The following ARSB variants were observed in gnomAD, a reference collection of about 807,000 sequenced individuals.
ARSB encodes arylsulfatase B, also known as N-acetylgalactosamine-4-sulfatase.
A neutral mutation model predicts 50.9 loss-of-function variants in ARSB; 41 were observed. The ratio of observed to expected loss-of-function variants is 0.81; its 90% CI spans 0.63 to 1.04. ARSB has a LOEUF of 1.04. Ranked by LOEUF, ARSB falls within the 50% of genes least tolerant of loss-of-function variation. The probability of loss-of-function intolerance (pLI) is 0.00; values close to 1 mark genes in which losing one functional copy is unlikely to be tolerated. For missense variants in ARSB, 672 were observed against 693.3 expected, an observed-to-expected ratio of 0.97 and a Z score of 0.35; for synonymous variants, 269 against 284.8, an observed-to-expected ratio of 0.94 and a Z score of 0.56.
chr5:78,819,938 A>G (rs922162220), intron 6 of ARSB, among the ~76,000 whole-genome samples: 5 of 152,266 alleles, frequency 3.3e-5, no homozygotes, highest in Admixed American at 1.3e-4. Context: ...TCCAAAATCC[A>G]TATGTTGGAA....
intron 4 of ARSB, among the ~76,000 whole-genome samples, chr5:78,919,344 A>T (rs1387443195): frequency 1.3e-5 from 2 of 152,216 alleles, no homozygotes; most frequent in Non-Finnish European, 2.9e-5. Flanking sequence ...GCCAGTAGCT[A>T]GCCTGGGATT....
chr5:78,876,198 T>C (rs535577088), intron 5 of ARSB, among the ~76,000 whole-genome samples: 1 of 152,074 alleles, frequency 6.6e-6, no homozygotes, highest in South Asian at 2.1e-4. Flanking sequence ...GATTACAAAG[T>C]AGAATGAAGA....
chr5:78,845,009 A>C (rs979069992), intron 5 of ARSB, among the ~76,000 whole-genome samples: 4 of 152,032 alleles, frequency 2.6e-5, no homozygotes, highest in Non-Finnish European at 5.9e-5. Flanking sequence ...TTTTATATCC[A>C]TTAACTAACC....
chr5:78,974,096 G>A (rs1752568764), intron 1 of ARSB, among the ~76,000 whole-genome samples: 1 of 152,210 alleles, frequency 6.6e-6, no homozygotes. Context: ...TAACACTTGT[G>A]CCACCTTAGG....
intron 5 of ARSB, among the ~76,000 whole-genome samples, chr5:78,864,698 T>C (rs768816089): frequency 9.9e-5 from 15 of 152,208 alleles, no homozygotes; most frequent in Non-Finnish European, 1.6e-4. Flanking sequence ...ACAAGGCAAG[T>C]CCCTTATGCC....
At chr5:78,956,959 C>A (rs1751755333) in intron 3 of ARSB, among the ~76,000 whole-genome samples, 1 of 146,438 alleles carries the variant, frequency 6.8e-6, no homozygotes, top group African/African-American at 2.4e-5. Flanking sequence ...AAAGTGAACA[C>A]CATGCCTTGT....
chr5:78,981,527 T>C (rs952534542), intron 1 of ARSB, among the ~76,000 whole-genome samples: 3 of 152,244 alleles, frequency 2.0e-5, no homozygotes, highest in African/African-American at 4.8e-5. Context: ...GTTAGTATGA[T>C]AGGTATGATA....
intron 1 of ARSB, 126 bp from the exon 2 acceptor site, chr5:78,969,318 G>T: frequency 1.0e-6 from 1 of 998,762 alleles, no homozygotes; most frequent in Non-Finnish European, 1.5e-6. Context: ...TTCCTGTACT[G>T]GCTTGAGGAT....
intron 5 of ARSB, among the ~76,000 whole-genome samples, chr5:78,853,042 C>T (rs1267982367): frequency 6.6e-6 from 1 of 152,188 alleles, no homozygotes; most frequent in Non-Finnish European, 1.5e-5. Flanking sequence ...AGTCTGAAGC[C>T]TTCTTTTCTC....
intron 2 of ARSB, among the ~76,000 whole-genome samples, chr5:78,968,350 T>C: frequency 6.7e-6 from 1 of 148,342 alleles, no homozygotes; most frequent in Middle Eastern, 3.5e-3. Context: ...TTATTATTAT[T>C]ATTATTATTA....
At chr5:78,869,589 G>C (rs963315134) in intron 5 of ARSB, among the ~76,000 whole-genome samples, 45 of 151,986 alleles carry the variant, frequency 3.0e-4, no homozygotes, top group African/African-American at 1.0e-3. Context: ...AATGAAGGCA[G>C]AAGTAAAGAT....
intron 5 of ARSB, among the ~76,000 whole-genome samples, chr5:78,846,616 C>G (rs1406272102): frequency 1.3e-5 from 2 of 152,104 alleles, no homozygotes; most frequent in African/African-American, 4.8e-5. Flanking sequence ...TGCAACTTTA[C>G]TGAATTTGTT....
intron 5 of ARSB, among the ~76,000 whole-genome samples, chr5:78,850,659 G>T (rs1253560812): frequency 9.2e-5 from 14 of 152,160 alleles, no homozygotes; most frequent in Admixed American, 9.2e-4. Flanking sequence ...TGTACCTCTG[G>T]TAGAATTTGG....
At chr5:78,829,568 T>G (rs767507134) in intron 6 of ARSB, among the ~76,000 whole-genome samples, 8 of 152,220 alleles carry the variant, frequency 5.3e-5, no homozygotes, top group Non-Finnish European at 1.0e-4. Flanking sequence ...ATATACTCAT[T>G]CCCTAGGTAT....
At chr5:78,949,285 C>T (rs1052359889) in intron 4 of ARSB, among the ~76,000 whole-genome samples, 54 of 152,166 alleles carry the variant, frequency 3.5e-4, no homozygotes, top group African/African-American at 1.1e-3. Context: ...TATAATCCAA[C>T]ACCAGGAAGC....
At chr5:78,857,648 C>T (rs1746217741) in intron 5 of ARSB, among the ~76,000 whole-genome samples, 1 of 152,174 alleles carries the variant, frequency 6.6e-6, no homozygotes, top group Non-Finnish European at 1.5e-5. Context: ...AAGGTAGGCA[C>T]CCATGGGACA....
At position 78,846,071 on chromosome 5, in the gene ARSB, T is replaced by C. The variant is rs2197001; in HGVS notation, c.1143-6645A>G. 1.2e-4 allele frequency among the ~76,000 whole-genome samples: 18 copies of C among 152,272 alleles called. No homozygotes were observed. The East Asian group carries it at 1.5e-3, about 13-fold the overall frequency. ...GTTGATTTTTATATATGGTGAGAGA[T>C]ACAGGTTTGGTTTCATTTTTATGCA... On this transcript the variant is annotated intron_variant, in intron 5 of 7. Transcript: ENST00000264914.
chr5:78,814,719 G>A (rs1222319529), intron 6 of ARSB, among the ~76,000 whole-genome samples: 10 of 150,726 alleles, frequency 6.6e-5, no homozygotes, highest in Admixed American at 6.6e-4. Flanking sequence ...CGGTCTTACA[G>A]GACAAAGAAC....
intron 4 of ARSB, among the ~76,000 whole-genome samples, chr5:78,905,630 T>C (rs1052296985): frequency 6.6e-6 from 1 of 152,106 alleles, no homozygotes. Flanking sequence ...GTGGTTCACA[T>C]GGCAGTTGAG....
Sources: gnomAD v4.1 joint callset for allele counts (sites outside exome capture counted in the v4.1 genomes callset) on GRCh38, gnomAD v4.1.1 for gene constraint, MANE v1.5 for transcripts, NCBI Gene and HGNC (gene_info 2026-07-23, HGNC 2026-07-21) for gene names.